The following CDH13 variants were observed in gnomAD, a reference collection of about 807,000 sequenced individuals.
The protein encoded by CDH13 is cadherin 13, also known as cadherin-13.
A neutral mutation model predicts 63.8 loss-of-function variants in CDH13; 24 were observed. The observed-to-expected ratio is 0.38, with a 90% CI of 0.27 to 0.53. CDH13 has a LOEUF of 0.53. Among genes scored for constraint, CDH13 ranks in the 20% least tolerant of loss-of-function variants. The pLI, the probability that CDH13 is intolerant of heterozygous loss-of-function variation, is 0.85. For missense variants in CDH13, 1,049 were observed against 903.1 expected (o/e 1.16, Z -2.07); for synonymous variants, 503 against 355.3 (o/e 1.42, Z -4.67).
intron 6 of CDH13, among the ~76,000 whole-genome samples, chr16:83,439,765 C>A (rs866189243): frequency 6.6e-6 from 1 of 152,266 alleles, no homozygotes; most frequent in Admixed American, 6.5e-5. Flanking sequence ...CAGGAGAACA[C>A]CAACATCTAA....
intron 8 of CDH13, among the ~76,000 whole-genome samples, chr16:83,651,195 T>G (rs1013255671): frequency 5.3e-5 from 8 of 152,180 alleles, no homozygotes; most frequent in Non-Finnish European, 7.3e-5. Context: ...GACTTTCTAT[T>G]GGTAGGAATA....
intron 3 of CDH13, among the ~76,000 whole-genome samples, chr16:83,045,697 A>G (rs1917719505): frequency 6.6e-6 from 1 of 151,830 alleles, no homozygotes; most frequent in Non-Finnish European, 1.5e-5. Flanking sequence ...AAACATCTCC[A>G]ATGATGAGAA....
intron 10 of CDH13, among the ~76,000 whole-genome samples, chr16:83,679,303 T>C (rs1216226388): frequency 6.6e-6 from 1 of 152,202 alleles, no homozygotes; most frequent in Non-Finnish European, 1.5e-5. Context: ...AATGCACGCC[T>C]GTCTCTGCAG....
intron 1 of CDH13, among the ~76,000 whole-genome samples, chr16:82,737,527 A>G (rs915179219): frequency 6.6e-6 from 1 of 152,244 alleles, no homozygotes; most frequent in Non-Finnish European, 1.5e-5. Context: ...AATGATCTCA[A>G]TATCAACCAC....
At chr16:83,323,932 G>T (rs1358916097) in intron 5 of CDH13, among the ~76,000 whole-genome samples, 1 of 152,082 alleles carries the variant, frequency 6.6e-6, no homozygotes, top group Non-Finnish European at 1.5e-5. Flanking sequence ...GCCTTATTAA[G>T]ATATAATTCA....
At chr16:83,443,421 G>T (rs1567675874) in intron 6 of CDH13, among the ~76,000 whole-genome samples, 1 of 152,128 alleles carries the variant, frequency 6.6e-6, no homozygotes, top group Non-Finnish European at 1.5e-5. Flanking sequence ...TTACGAAAAG[G>T]TTTGATTTAT....
chr16:82,881,462 G>C (rs964589981), intron 2 of CDH13, among the ~76,000 whole-genome samples: 3 of 152,130 alleles, frequency 2.0e-5, no homozygotes, highest in African/African-American at 7.2e-5. Flanking sequence ...TGGGGCAAGG[G>C]AGCCAAGCCT....
intron 11 of CDH13, among the ~76,000 whole-genome samples, chr16:83,766,141 A>G (rs951501661): frequency 6.6e-6 from 1 of 152,164 alleles, no homozygotes; most frequent in South Asian, 2.1e-4. Context: ...TGTCCCTGGT[A>G]TGGGCACCCT....
chr16:82,636,358 C>T lies in CDH13; in HGVS notation c.45+9221C>T, dbSNP rs182354853. 3.5e-3 allele frequency among the ~76,000 whole-genome samples: 535 copies of T among 151,900 alleles called. 14 individuals are homozygous for T. Among genetic ancestry groups the T allele is most frequent in the Non-Finnish European group, 6.9e-4 (47 of 67,992 alleles). ...ACCTAAGGCCTGCATTACAGTATTG[C>T]CAGCAGATCCAGTCCATGCCTGCAT... On this transcript the variant is annotated intron_variant, in intron 1 of 13. Transcript: ENST00000567109.
chr16:83,414,956 T>A (rs2092179036), intron 6 of CDH13, among the ~76,000 whole-genome samples: 1 of 152,104 alleles, frequency 6.6e-6, no homozygotes, highest in Non-Finnish European at 1.5e-5. Context: ...AGAAGTGGGT[T>A]GCTGGGTCAT....
intron 11 of CDH13, among the ~76,000 whole-genome samples, chr16:83,764,102 G>A (rs1369169315): frequency 6.6e-6 from 1 of 152,186 alleles, no homozygotes; most frequent in Non-Finnish European, 1.5e-5. Context: ...TATAAGAAAT[G>A]CTTAAGTGAA....
intron 7 of CDH13, among the ~76,000 whole-genome samples, chr16:83,568,754 C>G (rs964043759): frequency 1.3e-5 from 2 of 152,144 alleles, no homozygotes; most frequent in African/African-American, 2.4e-5. Context: ...AGGATCCTCA[C>G]TCTCCCTTTC....
At chr16:83,106,626 G>A (rs2034779471) in intron 3 of CDH13, among the ~76,000 whole-genome samples, 1 of 152,214 alleles carries the variant, frequency 6.6e-6, no homozygotes, top group East Asian at 1.9e-4. Flanking sequence ...TCCACAAGAT[G>A]TATTGTGCCG....
At chr16:83,515,132 C>T (rs895087129) in intron 7 of CDH13, among the ~76,000 whole-genome samples, 1 of 152,100 alleles carries the variant, frequency 6.6e-6, no homozygotes, top group Non-Finnish European at 1.5e-5. Context: ...CTGGAGACGT[C>T]ATTCCATGTT....
At position 83,230,133 on chromosome 16, in the gene CDH13, A is replaced by G. The variant is rs1471898535; in HGVS notation, c.636+12636A>G. Among the ~76,000 whole-genome samples, 10 of 152,292 alleles carry G rather than the reference A, an allele frequency of 6.6e-5. No individual in the cohort carries two copies. The East Asian group carries it at 1.9e-3, about 29-fold the overall frequency. On this transcript the variant is annotated intron_variant, in intron 5 of 13. Coordinates refer to ENST00000567109, the MANE Select transcript of CDH13 (RefSeq NM_001257.5). ...AGGCTGAGAAAAATGGGCAGCTGGC[A>G]TTTCACAATTAGTCGTGAATGCATT...
chr16:83,762,458 C>G (rs1914053971), intron 11 of CDH13, among the ~76,000 whole-genome samples: 1 of 152,116 alleles, frequency 6.6e-6, no homozygotes, highest in Non-Finnish European at 1.5e-5. Flanking sequence ...AATGGAATCC[C>G]TTTGGGGATG....
intron 8 of CDH13, among the ~76,000 whole-genome samples, chr16:83,669,408 TTTTTGTG>T (rs1017085394): frequency 3.9e-5 from 6 of 152,188 alleles, no homozygotes; most frequent in Non-Finnish European, 8.8e-5. Flanking sequence ...AATTCTATGA[TTTTTGTG>T]AGAAGAGAAG....
chr16:83,098,175 G>A (rs2034297592), intron 3 of CDH13, among the ~76,000 whole-genome samples: 2 of 152,162 alleles, frequency 1.3e-5, no homozygotes, highest in Admixed American at 6.5e-5. Context: ...CATCCTAGTG[G>A]TTGCTTTAGA....
chr16:83,540,352 C>T (rs759231999), intron 7 of CDH13, among the ~76,000 whole-genome samples: 1 of 152,148 alleles, frequency 6.6e-6, no homozygotes, highest in Non-Finnish European at 1.5e-5. Flanking sequence ...GACAGTCACC[C>T]CCGATGCGCA....
Sources: gnomAD v4.1 joint callset for allele counts (sites outside exome capture counted in the v4.1 genomes callset) on GRCh38, gnomAD v4.1.1 for gene constraint, MANE v1.5 for transcripts, NCBI Gene and HGNC (gene_info 2026-07-23, HGNC 2026-07-21) for gene names.